GPM6A: variants seen among roughly 807,000 people sequenced by gnomAD.
The protein encoded by GPM6A is glycoprotein M6A, also known as neuronal membrane glycoprotein M6-a.
Under a neutral mutation model 32.1 loss-of-function variants are expected in GPM6A, and 7 were observed. The observed-to-expected ratio is 0.22, with a 90% CI of 0.12 to 0.41. The LOEUF (loss-of-function observed/expected upper bound fraction) is 0.41. Among genes scored for constraint, GPM6A ranks in the 10% least tolerant of loss-of-function variants. GPM6A has a pLI of 1.00. For missense variants in GPM6A, 235 were observed against 347.2 expected, an observed-to-expected ratio of 0.68 and a Z score of 2.57; for synonymous variants, 130 against 123.4, an observed-to-expected ratio of 1.05 and a Z score of -0.35.
chr4:175,916,826 GC>G (rs1738509189), intron 1 of GPM6A, among the ~76,000 whole-genome samples: 1 of 152,140 alleles, frequency 6.6e-6, no homozygotes, highest in African/African-American at 2.4e-5. Flanking sequence ...CACTCCCCAA[GC>G]CCCTCCTTCC....
At chr4:175,994,042 T>A (rs1741230718) in intron 1 of GPM6A, among the ~76,000 whole-genome samples, 1 of 152,178 alleles carries the variant, frequency 6.6e-6, no homozygotes, top group Non-Finnish European at 1.5e-5. Context: ...AAAGGAGAGT[T>A]TTGAACCTAT....
At chr4:175,730,775 T>C (rs7685659) in intron 1 of GPM6A, among the ~76,000 whole-genome samples, 1 of 152,022 alleles carries the variant, frequency 6.6e-6, no homozygotes, top group African/African-American at 2.4e-5. Flanking sequence ...CTGCTGGCCG[T>C]TCTCGATCTC....
At chr4:175,744,308 A>C (rs1280169594) in intron 1 of GPM6A, among the ~76,000 whole-genome samples, 1 of 152,098 alleles carries the variant, frequency 6.6e-6, no homozygotes. Context: ...CTTTGAATTA[A>C]ATAATAATAA....
chr4:175,683,459 T>C (rs1007820767), intron 2 of GPM6A, among the ~76,000 whole-genome samples: 1 of 152,150 alleles, frequency 6.6e-6, no homozygotes, highest in Non-Finnish European at 1.5e-5. Flanking sequence ...GATTATATTT[T>C]GCAACATGAG....
chr4:175,640,367 C>T lies in GPM6A; in HGVS notation c.619-173G>A, dbSNP rs75330848. On this transcript the variant is annotated intron_variant, in intron 5 of 6. Coordinates refer to ENST00000393658, the MANE Select transcript of GPM6A (RefSeq NM_201591.3). The stretch of plus-strand genomic sequence containing the variant: ...TTACAATATATTTTCCCCTGCAAAT[C>T]ATTTAAATCCTTTCAACTTCATCAT... 4.9e-3 allele frequency among the ~76,000 whole-genome samples: 753 copies of T among 152,272 alleles called. 4 individuals are homozygous for T. Among genetic ancestry groups the T allele is most frequent in the Non-Finnish European group, 8.9e-3 (607 of 68,016 alleles).
chr4:175,694,522 T>C (rs1744470251), intron 2 of GPM6A, among the ~76,000 whole-genome samples: 1 of 152,200 alleles, frequency 6.6e-6, no homozygotes, highest in Non-Finnish European at 1.5e-5. Flanking sequence ...TCTAGAGATC[T>C]AGATGATTTA....
At chr4:175,637,866 T>C (rs865892792) in intron 6 of GPM6A, among the ~76,000 whole-genome samples, 15 of 122,638 alleles carry the variant, frequency 1.2e-4, no homozygotes, top group Non-Finnish European at 2.1e-4. Flanking sequence ...ATAATCTATT[T>C]ATATATAATA....
chr4:175,820,285 C>T (rs1436215931), intron 1 of GPM6A, among the ~76,000 whole-genome samples: 3 of 151,976 alleles, frequency 2.0e-5, no homozygotes, highest in Non-Finnish European at 4.4e-5. Flanking sequence ...AGTATAAAGT[C>T]GATTATACGT....
At chr4:175,941,549 C>G (rs533578804) in intron 1 of GPM6A, among the ~76,000 whole-genome samples, 1 of 152,286 alleles carries the variant, frequency 6.6e-6, no homozygotes, top group South Asian at 2.1e-4. Context: ...AACCCCACCA[C>G]CTCCCGCAAC....
chr4:175,683,995 T>A (rs1743832396), intron 2 of GPM6A, among the ~76,000 whole-genome samples: 1 of 151,992 alleles, frequency 6.6e-6, no homozygotes. Context: ...CCACACTAGC[T>A]AATTTTTGTA....
In GPM6A at chr4:175,761,798, CT is replaced by C. The variant is rs35539334; in HGVS notation, c.37+50392del. On this transcript the variant is annotated intron_variant, in intron 1 of 6. Transcript: ENST00000393658. ...AGTTTCTCACCAGCCAAATAATAAACTTTTTTTTTTTTTGAGATTGAGTTTC... is the reference window on the plus strand; with the variant it reads ...AGTTTCTCACCAGCCAAATAATAAACTTTTTTTTTTTTGAGATTGAGTTTC... 1.6e-3 allele frequency among the ~76,000 whole-genome samples: 233 copies of C among 146,792 alleles called. 1 individual carries two copies. The highest frequency in any genetic ancestry group is 2.2e-3 in the South Asian group (10 of 4,596).
Position 175,780,625 on chromosome 4 carries a change from G to A in GPM6A, c.37+31566C>T, listed in dbSNP as rs185891509. Among the ~76,000 whole-genome samples the A allele has an allele frequency of 9.9e-5, 15 of 152,226 alleles. No individual in the cohort carries two copies. The East Asian group carries it at 2.9e-3, about 29-fold the overall frequency. On this transcript the variant is annotated intron_variant, in intron 1 of 6. Transcript: ENST00000393658. ...TAGTTTTCGCTTAATGATTTCATGT[G>A]TCTCAATAACCATGTAACTTATTTT... is the stretch of plus-strand genomic sequence containing the variant.
At chr4:175,642,243 C>T (rs1333704426) in intron 4 of GPM6A, among the ~76,000 whole-genome samples, 1 of 152,122 alleles carries the variant, frequency 6.6e-6, no homozygotes, top group Admixed American at 6.5e-5. Context: ...GATTTCCTCC[C>T]TAAAAAATCA....
At chr4:175,781,861 T>C (rs1325477355) in intron 1 of GPM6A, among the ~76,000 whole-genome samples, 1 of 152,154 alleles carries the variant, frequency 6.6e-6, no homozygotes, top group Non-Finnish European at 1.5e-5. Flanking sequence ...TAATATTCAG[T>C]TACCACAAAT....
At chr4:175,734,354 C>T (rs2581749) in intron 1 of GPM6A, among the ~76,000 whole-genome samples, 149,099 of 152,084 alleles carry the variant, frequency 0.98, 73,162 homozygotes, top group Middle Eastern at 1. Flanking sequence ...GTAAAAAACA[C>T]TCAGTGGATC....
At chr4:175,980,498 A>T (rs1472513275) in intron 1 of GPM6A, among the ~76,000 whole-genome samples, 1 of 152,236 alleles carries the variant, frequency 6.6e-6, no homozygotes, top group Non-Finnish European at 1.5e-5. Context: ...GGGCCTTATT[A>T]TTAGTTTTCA....
At chr4:175,640,324 C>T in intron 5 of GPM6A, 130 bp from the exon 6 acceptor site, 2 of 712,658 alleles carry the variant, frequency 2.8e-6, no homozygotes, top group South Asian at 1.6e-5. Context: ...AAATCACCCA[C>T]CTGATTAAAA....
At chr4:175,780,931 A>G (rs1342668047) in intron 1 of GPM6A, among the ~76,000 whole-genome samples, 1 of 152,172 alleles carries the variant, frequency 6.6e-6, no homozygotes, top group Non-Finnish European at 1.5e-5. Context: ...GTCAGGTTAA[A>G]TGATAAAAGG....
upstream of GPM6A, chr4:175,812,283 A>T (rs139008815): frequency 5.0e-5 from 51 of 1,027,656 alleles, 2 homozygotes; most frequent in African/African-American, 8.1e-4. Context: ...GCTCAATTAG[A>T]TGTTGGAAAA....
Sources: gnomAD v4.1 joint callset for allele counts (sites outside exome capture counted in the v4.1 genomes callset) on GRCh38, gnomAD v4.1.1 for gene constraint, MANE v1.5 for transcripts, NCBI Gene and HGNC (gene_info 2026-07-23, HGNC 2026-07-21) for gene names.